RPTOR: variants seen among roughly 807,000 people sequenced by gnomAD.
RPTOR encodes the protein regulatory associated protein of MTOR complex 1.
In RPTOR, 21 loss-of-function variants were observed where a neutral mutation model predicts 169.9. The ratio of observed to expected loss-of-function variants is 0.12; its 90% confidence interval spans 0.09 to 0.18. The LOEUF (loss-of-function observed/expected upper bound fraction) is 0.18, where lower values mean the gene tolerates loss of function less well. RPTOR is among the 10% of genes least tolerant of loss of function. The pLI is 1.00. For synonymous variants in RPTOR, 732 were observed against 753.2 expected (o/e 0.97, Z 0.46); for missense variants, 1,133 against 1,855.9 (o/e 0.61, Z 7.16).
chr17:80,922,964 G>A, intron 22 of RPTOR, 137 bp downstream of exon 22: 1 of 696,698 alleles, frequency 1.4e-6, no homozygotes, highest in Non-Finnish European at 2.4e-6. Flanking sequence ...CTCTCCAGCG[G>A]GCGTTCTTTC....
intron 2 of RPTOR, among the ~76,000 whole-genome samples, chr17:80,636,245 G>A (rs559615551): frequency 2.7e-4 from 41 of 152,016 alleles, no homozygotes; most frequent in East Asian, 5.8e-4. Context: ...CACCTCCGCC[G>A]CCCCAACTCT....
intron 7 of RPTOR, among the ~76,000 whole-genome samples, chr17:80,792,418 G>A (rs989272027): frequency 1.3e-5 from 2 of 152,106 alleles, no homozygotes; most frequent in Non-Finnish European, 2.9e-5. Flanking sequence ...ATGTGTAAAC[G>A]TTCATGAGGG....
At chr17:80,653,467 G>C (rs1321530372) in intron 3 of RPTOR, among the ~76,000 whole-genome samples, 1 of 152,228 alleles carries the variant, frequency 6.6e-6, no homozygotes, top group African/African-American at 2.4e-5. Context: ...TAAGATTCCT[G>C]TGTGTTTTTG....
intron 3 of RPTOR, among the ~76,000 whole-genome samples, chr17:80,687,106 C>G (rs1184959958): frequency 6.6e-6 from 1 of 152,192 alleles, no homozygotes; most frequent in Admixed American, 6.5e-5. Flanking sequence ...AGGGCAGGCC[C>G]CTTTTCTGCA....
chr17:80,605,534 G>T (rs1156420385), intron 1 of RPTOR, among the ~76,000 whole-genome samples: 3 of 152,172 alleles, frequency 2.0e-5, no homozygotes, highest in Non-Finnish European at 2.9e-5. Flanking sequence ...CCGAGAGGAA[G>T]TGCATAGTCT....
chr17:80,736,781 G>A (rs2066437033), intron 5 of RPTOR, among the ~76,000 whole-genome samples: 1 of 152,182 alleles, frequency 6.6e-6, no homozygotes, highest in Non-Finnish European at 1.5e-5. Context: ...CCTCTCAACA[G>A]GTGTGTTTCT....
Position 80,897,292 on chromosome 17 carries a change from T to A in RPTOR, c.2401+3427T>A, listed in dbSNP as rs2068418939. ...GCAGTGGACATCTGTGTTTCTCTCT[T>A]GAGAGTAAACGAAACCTTTCTAACC... is the stretch of plus-strand genomic sequence containing the variant. On this transcript the variant is annotated intron_variant, in intron 20 of 33. Transcript: ENST00000306801. 2.0e-5 allele frequency among the ~76,000 whole-genome samples: 3 copies of A among 152,258 alleles called. No individual in the cohort carries two copies. In the South Asian group the frequency reaches 6.2e-4, roughly 32 times the overall value.
rs537882007 is a variant in RPTOR at position 80,750,028 on chromosome 17, A to AT, written c.655-3978dup. The stretch of plus-strand genomic sequence containing the variant: ...ACCACACCTGGCTAATTAAAAAAAA[A>AT]TTTTGGAGTGATGGGGTCTTTCCAT... On this transcript the variant is annotated intron_variant, in intron 5 of 33. Transcript: ENST00000306801. Among the ~76,000 whole-genome samples the AT allele has an allele frequency of 3.2e-3, 491 of 151,726 alleles. 1 individual carries two copies. Among genetic ancestry groups the AT allele is most frequent in the Middle Eastern group, 6.9e-3 (2 of 290 alleles).
In RPTOR at chr17:80,845,712, C is replaced by T. The variant is rs2067721437; in HGVS notation, c.1213-761C>T. ...AAAAGCACTTCCTGACCCTACATCC[C>T]TCTCCAGCCACCACCTGTCTGTCTT... On this transcript the variant is annotated intron_variant, in intron 10 of 33. Coordinates refer to ENST00000306801, the MANE Select transcript of RPTOR (RefSeq NM_020761.3). The surrounding 1 kb of genome is among the most constrained non-coding windows in gnomAD (Gnocchi z 5.4). Among the ~76,000 whole-genome samples the T allele has an allele frequency of 6.6e-6, 1 of 152,204 alleles. No homozygotes were observed. Among genetic ancestry groups the T allele is most frequent in the African/African-American group, 2.4e-5 (1 of 41,446 alleles).
chr17:80,870,170 G>A (rs1250750340), intron 13 of RPTOR, among the ~76,000 whole-genome samples: 1 of 152,164 alleles, frequency 6.6e-6, no homozygotes, highest in Non-Finnish European at 1.5e-5. Flanking sequence ...ATAAAGTTGT[G>A]GTTATGGTAC....
intron 17 of RPTOR, among the ~76,000 whole-genome samples, chr17:80,889,441 G>A (rs1475764634): frequency 6.6e-6 from 1 of 152,226 alleles, no homozygotes; most frequent in Non-Finnish European, 1.5e-5. Context: ...CAAGCGACCG[G>A]TCAGAGGACC....
intron 20 of RPTOR, among the ~76,000 whole-genome samples, chr17:80,896,590 C>T (rs1042093451): frequency 2.7e-5 from 4 of 149,238 alleles, no homozygotes; most frequent in Admixed American, 6.7e-5. Flanking sequence ...CACACGGCCG[C>T]GCCGTCACAC....
intron 7 of RPTOR, among the ~76,000 whole-genome samples, chr17:80,821,067 A>G (rs1255550897): frequency 1.3e-5 from 2 of 152,244 alleles, no homozygotes; most frequent in African/African-American, 2.4e-5. Flanking sequence ...TGAGGAAATA[A>G]GACGTTATTT....
At chr17:80,851,628 G>C (rs1333218595) in intron 11 of RPTOR, among the ~76,000 whole-genome samples, 1 of 152,254 alleles carries the variant, frequency 6.6e-6, no homozygotes, top group African/African-American at 2.4e-5. Flanking sequence ...CCAGGCAGGT[G>C]GGCCCCCGAG....
intron 1 of RPTOR, among the ~76,000 whole-genome samples, chr17:80,607,669 T>A (rs2065238835): frequency 6.6e-6 from 1 of 151,892 alleles, no homozygotes; most frequent in South Asian, 2.1e-4. Context: ...TTTTTGACAT[T>A]GTTTGTTTAG....
At chr17:80,821,699 G>A (rs17848627) in intron 7 of RPTOR, among the ~76,000 whole-genome samples, 52 of 152,278 alleles carry the variant, frequency 3.4e-4, no homozygotes, top group East Asian at 2.7e-3. Flanking sequence ...GGGCCTGGGC[G>A]CGCGCTGGCA....
rs145803652 is a variant in RPTOR at position 80,945,746 on chromosome 17, G to A, written c.3105G>A (p.Thr1035=). Residue 1035 remains threonine (T), a synonymous_variant, in exon 26 of 34, where the codon ACG becomes ACA. Transcript: ENST00000306801. ...CTGTGGTGAAATTCCACCCCTTCAC[G>A]CCGTGCATCGCCGTAGCCGACAAGG... ...VPSVVKFHPF[T]PCIAVADKDS... 981 of 1,610,910 alleles carry A rather than the reference G, an allele frequency of 6.1e-4. 1 individual carries two copies. Among genetic ancestry groups the A allele is most frequent in the Admixed American group, 1.2e-3 (69 of 59,622 alleles).
intron 6 of RPTOR, among the ~76,000 whole-genome samples, chr17:80,786,673 C>A (rs2066995526): frequency 6.6e-6 from 1 of 152,172 alleles, no homozygotes; most frequent in South Asian, 2.1e-4. Flanking sequence ...TTGCTTGAGC[C>A]CAGTTCGAAC....
chr17:80,776,447 C>T lies in RPTOR; in HGVS notation c.831-15003C>T, dbSNP rs191869825. Among the ~76,000 whole-genome samples, 192 of 151,414 alleles carry T rather than the reference C, an allele frequency of 1.3e-3. 2 individuals are homozygous for T. The highest frequency in any genetic ancestry group is 4.6e-3 in the African/African-American group (189 of 41,246). ...CAAGCGATTCTCCTGCCTCAGACTCCCAAGTAGCTGGGACTATAGGTGTGC... is the reference window on the plus strand; with the variant it reads ...CAAGCGATTCTCCTGCCTCAGACTCTCAAGTAGCTGGGACTATAGGTGTGC... On this transcript the variant is annotated intron_variant, in intron 6 of 33. Transcript: ENST00000306801.
Sources: allele counts gnomAD v4.1 joint callset (sites outside exome capture counted in the v4.1 genomes callset), GRCh38; gene constraint gnomAD v4.1.1; non-coding constraint Gnocchi (gnomAD v3.1); transcripts MANE v1.5; gene names NCBI Gene and HGNC (gene_info 2026-07-23, HGNC 2026-07-21).